The following CFAP263 variants were observed in gnomAD, a reference collection of about 807,000 sequenced individuals.
The protein encoded by CFAP263 is cilia- and flagella-associated protein 263.
the CFAP263 span, among the ~76,000 whole-genome samples, chr16:58,277,222 G>A: frequency 3.3e-5 from 5 of 151,886 alleles, no homozygotes; most frequent in African/African-American, 1.2e-4. Context: ...TCCACCTCCA[G>A]GGTTCAAGCA....
the CFAP263 span, chr16:58,258,540 A>T: frequency 3.1e-6 from 5 of 1,610,792 alleles, no homozygotes; most frequent in South Asian, 5.5e-5. Context: ...TGGCAGACAG[A>T]GCTTAGAAAG....
At chr16:58,277,816 C>T in the CFAP263 span, among the ~76,000 whole-genome samples, 28 of 152,124 alleles carry the variant, frequency 1.8e-4, no homozygotes, top group Non-Finnish European at 2.5e-4. Flanking sequence ...GTGAAATAAG[C>T]CAGTCACAAA....
At chr16:58,278,513 G>T in the CFAP263 span, 9 of 1,614,064 alleles carry the variant, frequency 5.6e-6, no homozygotes, top group Non-Finnish European at 7.6e-6. Flanking sequence ...GTGAATAAGA[G>T]GCTCCGGAAG....
chr16:58,253,022 T>C, the CFAP263 span, among the ~76,000 whole-genome samples: 2 of 152,202 alleles, frequency 1.3e-5, no homozygotes, highest in Non-Finnish European at 2.9e-5. Flanking sequence ...TTCAAGTGAC[T>C]GTGAAAGAAA....
the CFAP263 span, among the ~76,000 whole-genome samples, chr16:58,274,614 C>T: frequency 6.6e-6 from 1 of 152,204 alleles, no homozygotes; most frequent in Non-Finnish European, 1.5e-5. Context: ...TGCATGTGCT[C>T]TCACTCCTGC....
chr16:58,265,475 C>T, the CFAP263 span, among the ~76,000 whole-genome samples: 1 of 152,172 alleles, frequency 6.6e-6, no homozygotes, highest in Non-Finnish European at 1.5e-5. Context: ...TGAGAGCGAC[C>T]TCCTGCTGAC....
chr16:58,267,526 G>A, the CFAP263 span: 1 of 1,614,020 alleles, frequency 6.2e-7, no homozygotes, highest in South Asian at 1.1e-5. Flanking sequence ...TGGACAAGGA[G>A]ATCTTGCTGA....
chr16:58,263,230 G>A, the CFAP263 span, among the ~76,000 whole-genome samples: 20 of 152,186 alleles, frequency 1.3e-4, no homozygotes, highest in Admixed American at 1.2e-3. Flanking sequence ...TGTGAGCTAA[G>A]AATGATATTA....
chr16:58,263,141 G>A, the CFAP263 span, among the ~76,000 whole-genome samples: 1 of 152,192 alleles, frequency 6.6e-6, no homozygotes, highest in South Asian at 2.1e-4. Context: ...CAGCAGACTA[G>A]GCTATCTGGT....
the CFAP263 span, chr16:58,253,976 C>T: frequency 1.2e-6 from 2 of 1,613,816 alleles, no homozygotes. Context: ...TTGACAATGG[C>T]TTTGTTTCTC....
chr16:58,255,397 C>T, the CFAP263 span, among the ~76,000 whole-genome samples: 2 of 152,118 alleles, frequency 1.3e-5, no homozygotes, highest in African/African-American at 2.4e-5. Context: ...GATCTTCCCC[C>T]CGCCCAGTCC....
the CFAP263 span, among the ~76,000 whole-genome samples, chr16:58,256,564 T>A: frequency 6.6e-6 from 1 of 152,156 alleles, no homozygotes; most frequent in African/African-American, 2.4e-5. Flanking sequence ...GAAGTCAGGT[T>A]GAGTAAGGCA....
chr16:58,268,835 A>AC, the CFAP263 span, among the ~76,000 whole-genome samples: 1 of 152,152 alleles, frequency 6.6e-6, no homozygotes, highest in Non-Finnish European at 1.5e-5. Context: ...TTAAAGCCTG[A>AC]CATTCATTGC....
At chr16:58,274,611 G>A in the CFAP263 span, among the ~76,000 whole-genome samples, 3 of 152,290 alleles carry the variant, frequency 2.0e-5, no homozygotes, top group African/African-American at 7.2e-5. Context: ...CCCTGCATGT[G>A]CTCTCACTCC....
At chr16:58,257,017 T>TTTTTTTTTC in the CFAP263 span, among the ~76,000 whole-genome samples, 29 of 26,430 alleles carry the variant, frequency 1.1e-3, 5 homozygotes, top group East Asian at 0.11. Context: ...TGAATTTCTT[T>TTTTTTTTTC]TTTTTTTTTT....
chr16:58,267,612 T>G, the CFAP263 span: 1 of 1,411,962 alleles, frequency 7.1e-7, no homozygotes, highest in Non-Finnish European at 1.0e-6. Context: ...ATGTGGTATT[T>G]CTGATGTTTG....
chr16:58,267,341 T>C, the CFAP263 span: 1 of 647,434 alleles, frequency 1.5e-6, no homozygotes, highest in Non-Finnish European at 2.8e-6. Context: ...ATTTGGAAAA[T>C]CTGGGCAACC....
At chr16:58,272,715 T>C in the CFAP263 span, among the ~76,000 whole-genome samples, 80 of 152,322 alleles carry the variant, frequency 5.3e-4, 1 homozygote, top group East Asian at 3.7e-3. Flanking sequence ...AGGTTGGCCA[T>C]TGGGAGCTCT....
the CFAP263 span, among the ~76,000 whole-genome samples, chr16:58,254,459 G>A: frequency 1.3e-5 from 2 of 152,114 alleles, no homozygotes; most frequent in African/African-American, 4.8e-5. Context: ...TCTTTTGGTT[G>A]ATCAACTTTC....
Sources: allele counts gnomAD v4.1 joint callset (sites outside exome capture counted in the v4.1 genomes callset), GRCh38; gene constraint gnomAD v4.1.1; transcripts MANE v1.5; gene names NCBI Gene and HGNC (gene_info 2026-07-23, HGNC 2026-07-21).